WDR25: variants seen among roughly 807,000 people sequenced by gnomAD.
WDR25 encodes the protein WD repeat domain 25, also known as WD repeat-containing protein 25.
A neutral mutation model predicts 47.7 loss-of-function variants in WDR25; 35 were observed. That is an observed-to-expected ratio of 0.73 (90% CI 0.56 to 0.97). WDR25 has a LOEUF of 0.97. WDR25 is among the 50% of genes least tolerant of loss of function. WDR25 has a pLI of 0.00. For missense variants in WDR25, 634 were observed against 704.7 expected, an observed-to-expected ratio of 0.90 and a Z score of 1.14; for synonymous variants, 248 against 278.9, an observed-to-expected ratio of 0.89 and a Z score of 1.10.
At chr14:100,446,083 T>C (rs934783724) in intron 2 of WDR25, among the ~76,000 whole-genome samples, 2 of 152,172 alleles carry the variant, frequency 1.3e-5, no homozygotes, top group African/African-American at 4.8e-5. Context: ...CCTGACTGTT[T>C]CAGTGCTGTG....
intron 2 of WDR25, among the ~76,000 whole-genome samples, chr14:100,386,172 A>G (rs940017366): frequency 2.0e-5 from 3 of 152,244 alleles, no homozygotes; most frequent in African/African-American, 7.2e-5. Context: ...TTAATTTTTG[A>G]CCATGAATGT....
rs1172305168 is a variant in WDR25 at position 100,488,180 on chromosome 14, C to T, written c.1101+4056C>T. On this transcript the variant is annotated intron_variant, in intron 4 of 6. Transcript: ENST00000402312. The surrounding 1 kb of genome is among the most constrained non-coding windows in gnomAD (Gnocchi z 4.2). ...ATGTTTGTAGCACATCTCATTAGTG[C>T]AAAGTGCCTGACTTCATCTCCAGAG... is the stretch of plus-strand genomic sequence containing the variant. Among the ~76,000 whole-genome samples, 1 of 152,116 alleles carries T rather than the reference C, an allele frequency of 6.6e-6. No individual in the cohort carries two copies. Among genetic ancestry groups the T allele is most frequent in the Non-Finnish European group, 1.5e-5 (1 of 68,022 alleles).
rs548094088 is a variant in WDR25, at chr14:100,435,701, C to T, written c.823-32320C>T. ...CATTCATTCATTCAGTATGGCTGAG[C>T]GGTGAGGTTAACACAGTGAGCAGGA... is the stretch of plus-strand genomic sequence containing the variant. On this transcript the variant is annotated intron_variant, in intron 2 of 6. Coordinates refer to ENST00000402312, the MANE Select transcript of WDR25 (RefSeq NM_001161476.3). Among the ~76,000 whole-genome samples, 10 of 151,794 alleles carry T rather than the reference C, an allele frequency of 6.6e-5. No individual in the cohort carries two copies. In the South Asian group the frequency reaches 1.4e-3, roughly 22 times the overall value.
At chr14:100,435,800 C>T (rs1898482887) in intron 2 of WDR25, among the ~76,000 whole-genome samples, 1 of 152,160 alleles carries the variant, frequency 6.6e-6, no homozygotes, top group Non-Finnish European at 1.5e-5. Flanking sequence ...ACAGTGAGGC[C>T]TGTCAGGGAA....
At chr14:100,472,485 T>C (rs1460085306) in intron 3 of WDR25, among the ~76,000 whole-genome samples, 5 of 152,258 alleles carry the variant, frequency 3.3e-5, no homozygotes, top group Non-Finnish European at 7.3e-5. Context: ...CTTTGCAGAA[T>C]GCCTGGCGTG....
intron 2 of WDR25, among the ~76,000 whole-genome samples, chr14:100,390,391 C>CTGTGTGTGTGTG (rs55802109): frequency 0.028 from 4,166 of 146,632 alleles, 67 homozygotes; most frequent in Admixed American, 0.035. Flanking sequence ...TGACCAAAAG[C>CTGTGTGTGTGTG]TGTGTGTGTG....
chr14:100,424,713 C>T lies in WDR25; in HGVS notation c.822+42967C>T, dbSNP rs1003994366. The stretch of plus-strand genomic sequence containing the variant: ...GGTTTCCTAGAATCTTGGTGCGATT[C>T]GGTGGTTAGGCTGATCTCAGGGTTC... On this transcript the variant is annotated intron_variant, in intron 2 of 6. Coordinates refer to ENST00000402312, the MANE Select transcript of WDR25 (RefSeq NM_001161476.3). The surrounding 1 kb of genome is among the most constrained non-coding windows in gnomAD (Gnocchi z 4.2). Among the ~76,000 whole-genome samples the T allele has an allele frequency of 6.6e-6, 1 of 152,134 alleles. No individual in the cohort carries two copies. Among genetic ancestry groups the T allele is most frequent in the Admixed American group, 6.5e-5 (1 of 15,274 alleles).
chr14:100,462,608 A>G (rs1236082299), intron 2 of WDR25, among the ~76,000 whole-genome samples: 2 of 152,218 alleles, frequency 1.3e-5, no homozygotes, highest in Non-Finnish European at 2.9e-5. Flanking sequence ...AGCTTGTCAG[A>G]CGATTTACAG....
chr14:100,393,223 T>C (rs1897182534), intron 2 of WDR25, among the ~76,000 whole-genome samples: 1 of 152,252 alleles, frequency 6.6e-6, no homozygotes, highest in Non-Finnish European at 1.5e-5. Context: ...CTACTCACAG[T>C]GTATTTACAC....
At chr14:100,518,940 G>C (rs1293001136) in intron 4 of WDR25, among the ~76,000 whole-genome samples, 1 of 150,700 alleles carries the variant, frequency 6.6e-6, no homozygotes, top group African/African-American at 2.4e-5. Flanking sequence ...TTAAGCTTTT[G>C]ATATTATCTC....
At chr14:100,469,619 A>G (rs771721824) in intron 3 of WDR25, among the ~76,000 whole-genome samples, 1 of 152,156 alleles carries the variant, frequency 6.6e-6, no homozygotes, top group Non-Finnish European at 1.5e-5. Flanking sequence ...TGATTCTCTT[A>G]ACCCCTTGCA....
intron 3 of WDR25, among the ~76,000 whole-genome samples, chr14:100,483,516 T>C (rs895992034): frequency 6.6e-6 from 1 of 152,190 alleles, no homozygotes; most frequent in African/African-American, 2.4e-5. Flanking sequence ...TCATCCATTA[T>C]TATAAAGTGG....
At chr14:100,465,914 T>C (rs543839509) in intron 2 of WDR25, among the ~76,000 whole-genome samples, 11 of 152,222 alleles carry the variant, frequency 7.2e-5, no homozygotes, top group Non-Finnish European at 1.2e-4. Context: ...GGGTACAAGG[T>C]GGTGTTTCAT....
At chr14:100,484,225 G>A (rs1900305201) in intron 4 of WDR25, 101 bp downstream of exon 4, 5 of 1,309,174 alleles carry the variant, frequency 3.8e-6, no homozygotes, top group Non-Finnish European at 5.1e-6. Context: ...GACCCTTGAG[G>A]TGGAATAATT....
intron 2 of WDR25, among the ~76,000 whole-genome samples, chr14:100,415,959 C>T (rs2400919): frequency 0.19 from 28,338 of 152,084 alleles, 2,776 homozygotes; most frequent in Non-Finnish European, 0.21. Context: ...CCTGCTCTGC[C>T]GCTGTCCTTC....
chr14:100,468,678 G>A lies in WDR25; in HGVS notation c.970+510G>A, dbSNP rs139456971. Reference sequence around the variant, plus strand: ...TAAATCCTGAGAGGGCTCTTGACAAGCAGGGCGAGAAGGAGAGAGAAGTCA... The same window carrying A: ...TAAATCCTGAGAGGGCTCTTGACAAACAGGGCGAGAAGGAGAGAGAAGTCA... On this transcript the variant is annotated intron_variant, in intron 3 of 6. Transcript: ENST00000402312. This position sits in a 1 kb window ranked among gnomAD's most constrained non-coding sequence, Gnocchi z 4.5. 1.1e-3 allele frequency among the ~76,000 whole-genome samples: 160 copies of A among 152,230 alleles called. 1 individual carries two copies. Among genetic ancestry groups the A allele is most frequent in the African/African-American group, 3.7e-3 (155 of 41,534 alleles).
intron 4 of WDR25, chr14:100,504,555 A>G (rs1310186500): frequency 6.6e-6 from 1 of 152,176 alleles, no homozygotes; most frequent in Non-Finnish European, 1.5e-5. Context: ...TATTGTATGT[A>G]TCAGCATTCC....
chr14:100,497,118 GTTC>G (rs1419722335), intron 4 of WDR25, among the ~76,000 whole-genome samples: 3 of 152,162 alleles, frequency 2.0e-5, no homozygotes, highest in Non-Finnish European at 4.4e-5. Context: ...TTGTATTTCA[GTTC>G]TTCTAAATTT....
chr14:100,411,537 C>CTTTT (rs766546637), intron 2 of WDR25, among the ~76,000 whole-genome samples: 1 of 143,112 alleles, frequency 7.0e-6, no homozygotes. Context: ...TTGCTTTTTG[C>CTTTT]TTTTTTTTTT....
Sources: gnomAD v4.1 joint callset for allele counts (sites outside exome capture counted in the v4.1 genomes callset) on GRCh38, gnomAD v4.1.1 for gene constraint, Gnocchi (gnomAD v3.1) non-coding constraint, MANE v1.5 for transcripts, NCBI Gene and HGNC (gene_info 2026-07-23, HGNC 2026-07-21) for gene names.